AREL1: variants seen among roughly 807,000 people sequenced by gnomAD.
AREL1 encodes apoptosis resistant E3 ubiquitin protein ligase 1.
AREL1 carries 62 observed loss-of-function variants against 99.0 expected under a neutral mutation model. The ratio of observed to expected loss-of-function variants is 0.63; its 90% CI spans 0.51 to 0.77. The LOEUF (loss-of-function observed/expected upper bound fraction) is 0.77. Ranked by LOEUF, AREL1 falls within the 30% of genes least tolerant of loss-of-function variation. The pLI, the probability that AREL1 is intolerant of heterozygous loss-of-function variation, is 0.00. For missense variants in AREL1, 879 were observed against 1,027.6 expected (o/e 0.86, Z 1.98); for synonymous variants, 380 against 376.5 (o/e 1.01, Z -0.11).
chr14:74,675,288 A>G (rs2089445489), intron 8 of AREL1, among the ~76,000 whole-genome samples: 2 of 152,222 alleles, frequency 1.3e-5, no homozygotes, highest in African/African-American at 4.8e-5. Context: ...AAGAGATGCA[A>G]TGGGATGTTT....
chr14:74,704,178 T>C (rs2090135175), intron 1 of AREL1, among the ~76,000 whole-genome samples: 2 of 152,236 alleles, frequency 1.3e-5, no homozygotes, highest in South Asian at 2.1e-4. Context: ...GAGCTGTTTG[T>C]CTTCTTACTA....
chr14:74,666,454 T>C (rs1218421572), intron 17 of AREL1, among the ~76,000 whole-genome samples: 1 of 152,200 alleles, frequency 6.6e-6, no homozygotes, highest in Non-Finnish European at 1.5e-5. Context: ...GAAATAAGAA[T>C]GAATTTACTA....
intron 13 of AREL1, 198 bp downstream of exon 13, chr14:74,670,564 C>T (rs2089312321): frequency 3.7e-6 from 2 of 539,630 alleles, no homozygotes; most frequent in East Asian, 5.9e-5. Context: ...CAGCTGCCTG[C>T]ATTTTTGCTT....
chr14:74,674,052 T>C lies in AREL1; in HGVS notation c.1140A>G (p.Arg380=). Residue 380 remains arginine (R), a synonymous_variant, in exon 9 of 20, where the codon CGA becomes CGG. Transcript: ENST00000356357. ...KIIPWRLYTF[R]VCPGTKFSYL... is the part of the protein sequence containing the mutation. ...AGCTTACTTTTGTTCCTGGACACACTCGGAAGGTGTAAAGGCGCCAGGGGA... is the reference window on the plus strand; with the variant it reads ...AGCTTACTTTTGTTCCTGGACACACCCGGAAGGTGTAAAGGCGCCAGGGGA... 4 of 1,613,404 alleles carry C rather than the reference T, an allele frequency of 2.5e-6. No homozygotes were observed. Among genetic ancestry groups the C allele is most frequent in the Non-Finnish European group, 3.4e-6 (4 of 1,179,466 alleles).
At position 74,669,740 on chromosome 14, in the gene AREL1, G is replaced by A; in HGVS notation, c.1823C>T (p.Ser608Phe). 1 of 1,614,160 alleles carries A rather than the reference G, an allele frequency of 6.2e-7. No homozygotes were observed. Among genetic ancestry groups the A allele is most frequent in the Non-Finnish European group, 8.5e-7 (1 of 1,180,014 alleles). Residue 608 changes from serine (S) to phenylalanine (F), a missense_variant, in exon 15 of 20, where the codon TCT becomes TTT. By Grantham distance (155) the Ser-to-Phe change is radical (BLOSUM62 -2). Coordinates refer to ENST00000356357, the MANE Select transcript of AREL1 (RefSeq NM_001039479.2). ...FETDDPEFYK[S>F]KVCFILNNDM... Reference sequence around the variant, plus strand: ...ATTGTTGAGGATAAAACAAACTTTAGATTTGTAGAATTCTGGGTCATCTGT... The same window carrying A: ...ATTGTTGAGGATAAAACAAACTTTAAATTTGTAGAATTCTGGGTCATCTGT...
intron 4 of AREL1, among the ~76,000 whole-genome samples, 187 bp from the exon 5 acceptor site, chr14:74,683,720 A>G (rs1333791429): frequency 5.3e-5 from 8 of 152,226 alleles, no homozygotes; most frequent in Non-Finnish European, 1.0e-4. Flanking sequence ...TACTCTAAAG[A>G]AAACCATTAA....
At chr14:74,691,559 A>T (rs1364545413) in intron 2 of AREL1, among the ~76,000 whole-genome samples, 1 of 152,166 alleles carries the variant, frequency 6.6e-6, no homozygotes, top group Non-Finnish European at 1.5e-5. Context: ...CTCTTTTTTA[A>T]TCTTTTGATA....
chr14:74,697,892 G>A (rs138924074), intron 1 of AREL1, among the ~76,000 whole-genome samples: 216 of 152,248 alleles, frequency 1.4e-3, no homozygotes, highest in Middle Eastern at 3.4e-3. Flanking sequence ...ATAACTCCCA[G>A]ATTTGGACAC....
intron 16 of AREL1, 43 bp from the exon 17 acceptor site, chr14:74,667,420 A>G: frequency 2.5e-6 from 4 of 1,614,196 alleles, no homozygotes; most frequent in Non-Finnish European, 2.5e-6. Flanking sequence ...CACACCATGG[A>G]TACAGGTATT....
At chr14:74,711,574 T>C (rs770239384) in intron 1 of AREL1, among the ~76,000 whole-genome samples, 5 of 151,736 alleles carry the variant, frequency 3.3e-5, no homozygotes, top group African/African-American at 1.2e-4. Flanking sequence ...AAAATAAAAT[T>C]GGCATAAAAT....
chr14:74,684,617 G>A lies in AREL1; in HGVS notation c.80C>T (p.Ala27Val), dbSNP rs781435728. Residue 27 changes from alanine to valine, a missense_variant, in exon 4 of 20, where the codon GCA becomes GTA. Ala to Val is a moderately conservative substitution (Grantham distance 64, BLOSUM62 0). Coordinates refer to ENST00000356357, the MANE Select transcript of AREL1 (RefSeq NM_001039479.2). ...ATTCTGGAGGAAGCTGACTACACGT[G>A]CGGCAAGCTCAAAGAGGAACTTAAT... ...FTIKFLFELA[A>V]RVVSFLQNED... 1 of 1,614,144 alleles carries A rather than the reference G, an allele frequency of 6.2e-7. No individual in the cohort carries two copies. Among genetic ancestry groups the A allele is most frequent in the Non-Finnish European group, 8.5e-7 (1 of 1,180,014 alleles).
chr14:74,689,150 GCCTC>G (rs1286536758), intron 2 of AREL1, among the ~76,000 whole-genome samples: 4 of 151,662 alleles, frequency 2.6e-5, no homozygotes, highest in Non-Finnish European at 5.9e-5. Flanking sequence ...GCCCAGCCAG[GCCTC>G]CCTATTTTTG....
At chr14:74,702,169 A>C (rs1270089045) in intron 1 of AREL1, among the ~76,000 whole-genome samples, 1 of 152,140 alleles carries the variant, frequency 6.6e-6, no homozygotes, top group Non-Finnish European at 1.5e-5. Flanking sequence ...TCACAGCTCC[A>C]CTAGACAGTG....
chr14:74,685,362 G>T (rs1000490526), intron 3 of AREL1, among the ~76,000 whole-genome samples: 3 of 152,090 alleles, frequency 2.0e-5, no homozygotes, highest in African/African-American at 7.2e-5. Context: ...CTCCTTGAAG[G>T]CAGATTTTTG....
intron 2 of AREL1, among the ~76,000 whole-genome samples, chr14:74,686,021 A>T (rs2089740140): frequency 6.6e-6 from 1 of 152,340 alleles, no homozygotes; most frequent in South Asian, 2.1e-4. Context: ...ACATGCAAAG[A>T]GGGTAATGGA....
intron 18 of AREL1, among the ~76,000 whole-genome samples, chr14:74,664,294 A>G (rs2089157172): frequency 6.6e-6 from 1 of 151,980 alleles, no homozygotes; most frequent in African/African-American, 2.4e-5. Context: ...GCCATCTCCA[A>G]TTTACTACTC....
chr14:74,683,029 T>C (rs932688351), intron 5 of AREL1, among the ~76,000 whole-genome samples: 1 of 152,184 alleles, frequency 6.6e-6, no homozygotes, highest in Non-Finnish European at 1.5e-5. Flanking sequence ...AGGCAGCAGA[T>C]GAGTGGCTGC....
intron 1 of AREL1, among the ~76,000 whole-genome samples, chr14:74,697,878 T>A (rs994846994): frequency 1.1e-4 from 16 of 152,164 alleles, no homozygotes; most frequent in African/African-American, 3.9e-4. Flanking sequence ...CTGTACCTCA[T>A]TCTATAACTC....
At position 74,711,543 on chromosome 14, in the gene AREL1, A is replaced by AAAAAT. The variant is rs745902318; in HGVS notation, c.-334+1385_-334+1389dup. Among the ~76,000 whole-genome samples the AAAAAT allele has an allele frequency of 2.0e-3, 310 of 152,154 alleles. 1 individual carries two copies. Among genetic ancestry groups the AAAAAT allele is most frequent in the Non-Finnish European group, 2.9e-3 (198 of 68,006 alleles). On this transcript the variant is annotated intron_variant, in intron 1 of 19. Transcript: ENST00000356357. ...GGGCAGCAGAGGGAGGCTCTGTCTCAAAAATAAAATAAAATAAAATAAAAT... is the reference window on the plus strand; with the variant it reads ...GGGCAGCAGAGGGAGGCTCTGTCTCAAAAATAAAATAAAATAAAATAAAATAAAAT...
Sources: allele counts gnomAD v4.1 joint callset (sites outside exome capture counted in the v4.1 genomes callset), GRCh38; gene constraint gnomAD v4.1.1; transcripts MANE v1.5; gene names NCBI Gene and HGNC (gene_info 2026-07-23, HGNC 2026-07-21).